Variants in PPP6C observed in about 807,000 individuals in gnomAD.
PPP6C encodes the protein serine/threonine-protein phosphatase 6 catalytic subunit.
A neutral mutation model predicts 39.8 loss-of-function variants in PPP6C; 11 were observed. The ratio of observed to expected loss-of-function variants is 0.28; its 90% CI spans 0.17 to 0.46. The LOEUF is 0.46. Ranked by LOEUF, PPP6C falls within the 20% of genes least tolerant of loss-of-function variation. The pLI is 1.00. For synonymous variants in PPP6C, 129 were observed against 130.3 expected, an observed-to-expected ratio of 0.99 and a Z score of 0.07; for missense variants, 211 against 373.9, an observed-to-expected ratio of 0.56 and a Z score of 3.59.
chr9:125,158,456 C>A, intron 3 of PPP6C, 74 bp from the exon 4 acceptor site: 1 of 1,403,012 alleles, frequency 7.1e-7, no homozygotes, highest in Non-Finnish European at 9.8e-7. Flanking sequence ...TCAAACTGTA[C>A]AAACATATAG....
chr9:125,161,095 A>C (rs188271636), intron 2 of PPP6C, among the ~76,000 whole-genome samples, 189 bp from the exon 3 acceptor site: 3 of 152,188 alleles, frequency 2.0e-5, no homozygotes, highest in Admixed American at 1.3e-4. Flanking sequence ...AATAAAGCTC[A>C]GTTACCATAA....
chr9:125,151,059 T>C, intron 6 of PPP6C: 1 of 1,348,608 alleles, frequency 7.4e-7, no homozygotes, highest in Non-Finnish European at 1.1e-6. Flanking sequence ...GCTTTTTTGA[T>C]AACCCAGTGG....
intron 3 of PPP6C, 80 bp from the exon 4 acceptor site, chr9:125,158,462 T>C: frequency 2.2e-6 from 3 of 1,366,242 alleles, no homozygotes; most frequent in Non-Finnish European, 3.0e-6. Context: ...TGTACAAACA[T>C]ATAGTTTATA....
intron 2 of PPP6C, among the ~76,000 whole-genome samples, chr9:125,167,379 C>CA (rs758123351): frequency 0.036 from 1,993 of 55,660 alleles, 107 homozygotes; most frequent in African/African-American, 0.094. Flanking sequence ...AGACCCTGTC[C>CA]AAAAAAAAAA....
At chr9:125,170,935 G>C (rs542094012) in intron 2 of PPP6C, 150 bp downstream of exon 2, 1 of 473,236 alleles carries the variant, frequency 2.1e-6, no homozygotes, top group South Asian at 6.2e-5. Flanking sequence ...TGTAAACCAG[G>C]AATCATTTGT....
intron 2 of PPP6C, among the ~76,000 whole-genome samples, chr9:125,163,675 C>T (rs573236664): frequency 1.4e-4 from 22 of 151,850 alleles, no homozygotes; most frequent in Non-Finnish European, 2.8e-4. Context: ...GTGATCCGCC[C>T]GCCTCGGCCT....
intron 1 of PPP6C, among the ~76,000 whole-genome samples, chr9:125,181,538 A>G (rs372596027): frequency 2.0e-5 from 3 of 151,660 alleles, no homozygotes; most frequent in African/African-American, 7.3e-5. Context: ...CCCTCTGCCC[A>G]TATGTTCTCA....
chr9:125,181,719 T>C (rs530341911), intron 1 of PPP6C, among the ~76,000 whole-genome samples: 4 of 152,342 alleles, frequency 2.6e-5, no homozygotes, highest in African/African-American at 7.2e-5. Context: ...GCATTTGAGC[T>C]AGTTCCAAGT....
chr9:125,152,659 C>T (rs1437946289), intron 6 of PPP6C, among the ~76,000 whole-genome samples: 2 of 151,738 alleles, frequency 1.3e-5, no homozygotes, highest in Non-Finnish European at 2.9e-5. Context: ...GGTGAAACCC[C>T]GTCTCTACTA....
intron 6 of PPP6C, among the ~76,000 whole-genome samples, chr9:125,150,394 G>A (rs1046392771): frequency 1.3e-5 from 2 of 151,388 alleles, no homozygotes; most frequent in African/African-American, 4.9e-5. Context: ...ACTTCATTAT[G>A]ATGCTGGAGC....
rs868607869 is a variant in PPP6C at position 125,148,882 on chromosome 9, T to A, written c.*791A>T. 4 of 152,198 alleles carry A rather than the reference T, an allele frequency of 2.6e-5. No homozygotes were observed. Among genetic ancestry groups the A allele is most frequent in the Non-Finnish European group, 4.4e-5 (3 of 68,032 alleles). 9.4% of individuals were successfully genotyped at this position (152,198 alleles called of 1,614,324 possible). A position where few individuals can be genotyped will look rare whatever the true frequency, so the allele number is the denominator to read the frequency against. On this transcript the variant is annotated 3_prime_UTR_variant, in exon 7 of 7. Coordinates refer to ENST00000373547, the MANE Select transcript of PPP6C (RefSeq NM_002721.5). ...AAAAATAAATACTATTGAATTTCAA[T>A]TGAAGTTTTAAACTCAATAACCAAA...
Position 125,183,485 on chromosome 9 carries a change from G to C in PPP6C, c.75+6159C>G, listed in dbSNP as rs1182492364. Among the ~76,000 whole-genome samples the C allele has an allele frequency of 2.0e-5, 3 of 152,050 alleles. No individual in the cohort carries two copies. In the East Asian group the frequency reaches 5.8e-4, roughly 29 times the overall value. On this transcript the variant is annotated intron_variant, in intron 1 of 6. Transcript: ENST00000373547. Reference sequence around the variant, plus strand: ...TTTTTAGTTAGCTACATTTTAAACAGTATCACGAATCACAGTATGATTTTT... The same window carrying C: ...TTTTTAGTTAGCTACATTTTAAACACTATCACGAATCACAGTATGATTTTT...
In PPP6C at chr9:125,155,719, C is replaced by T. The variant is rs988615851; in HGVS notation, c.380-1734G>A. Among the ~76,000 whole-genome samples the T allele has an allele frequency of 7.2e-5, 11 of 152,038 alleles. No homozygotes were observed. The South Asian group carries it at 1.0e-3, about 14-fold the overall frequency. On this transcript the variant is annotated intron_variant, in intron 4 of 6. Transcript: ENST00000373547. ...GAGATTGAGACCATCCTGGCTAACA[C>T]GGTGAAACCCTGTCTCTACTAAAAA...
rs1250145060 is a variant in PPP6C at position 125,148,065 on chromosome 9, T to TG, written c.*1607dup. The TG allele has an allele frequency of 5.4e-6, 1 of 186,206 alleles. No homozygotes were observed. The highest frequency in any genetic ancestry group is 2.4e-5 in the African/African-American group (1 of 41,574). 11.5% of individuals were successfully genotyped at this position (186,206 alleles called of 1,614,324 possible). The stretch of plus-strand genomic sequence containing the variant: ...ATTAAAAACTATGTAAGGAGCTGGG[T>TG]GGTTTGAGGGAAAAAAATTAAATCA... On this transcript the variant is annotated 3_prime_UTR_variant, in exon 7 of 7. Transcript: ENST00000373547.
chr9:125,157,791 A>T (rs1836116958), intron 4 of PPP6C, among the ~76,000 whole-genome samples: 1 of 151,676 alleles, frequency 6.6e-6, no homozygotes, highest in Non-Finnish European at 1.5e-5. Flanking sequence ...CCTTGGTTCA[A>T]GCAATTCTCC....
chr9:125,172,720 A>AACACACAC lies in PPP6C; in HGVS notation c.76-1548_76-1541dup, dbSNP rs72238242. Among the ~76,000 whole-genome samples the AACACACAC allele has an allele frequency of 3.5e-5, 5 of 144,788 alleles. No individual in the cohort carries two copies. In the East Asian group the frequency reaches 6.1e-4, roughly 18 times the overall value. 95.0% of individuals were successfully genotyped at this position (144,788 alleles called of 152,430 possible). A position where few individuals can be genotyped will look rare whatever the true frequency, so the allele number is the denominator to read the frequency against. ...AACTGCAAAGAACTGAATACACACA[A>AACACACAC]ACACACACACACACACACACACACA... On this transcript the variant is annotated intron_variant, in intron 1 of 6. Coordinates refer to ENST00000373547, the MANE Select transcript of PPP6C (RefSeq NM_002721.5).
chr9:125,173,587 AAAC>A (rs1214738736), intron 1 of PPP6C, among the ~76,000 whole-genome samples: 2 of 151,116 alleles, frequency 1.3e-5, no homozygotes, highest in African/African-American at 2.4e-5. Context: ...CAAAACAAAC[AAAC>A]AACAACAACA....
chr9:125,189,699 T>G lies in PPP6C; in HGVS notation c.20A>C (p.Asp7Ala), dbSNP rs1439919932. The change falls in exon 1 of 7, where the codon GAC becomes GCC. Residue 7 changes from aspartate to alanine, a missense_variant. Transcript: ENST00000373547. Reference protein sequence around the residue: MAPLDLDKYVEIARLCK... With the variant: MAPLDLAKYVEIARLCK... Reference sequence around the variant, plus strand: ...CAGCCGCGCTATTTCCACATACTTGTCCAGGTCTAGCGGCGCCATTTTAAG... The same window carrying G: ...CAGCCGCGCTATTTCCACATACTTGGCCAGGTCTAGCGGCGCCATTTTAAG... The G allele has an allele frequency of 1.9e-6, 3 of 1,608,932 alleles. No homozygotes were observed. Among genetic ancestry groups the G allele is most frequent in the Non-Finnish European group, 2.5e-6 (3 of 1,178,026 alleles).
Position 125,153,513 on chromosome 9 carries a change from T to C in PPP6C, c.669+20A>G, listed in dbSNP as rs981220142. ...CCATTAGCAATCCACAAATTACATT[T>C]CCAAAAATGTTGGCTTTACCTCATT... On this transcript the variant is annotated intron_variant, in intron 6 of 6. Coordinates refer to ENST00000373547, the MANE Select transcript of PPP6C (RefSeq NM_002721.5). 6.8e-6 allele frequency: 11 copies of C among 1,609,610 alleles called. No individual in the cohort carries two copies. Among genetic ancestry groups the C allele is most frequent in the African/African-American group, 2.7e-5 (2 of 74,786 alleles).
Sources: allele counts gnomAD v4.1 joint callset (sites outside exome capture counted in the v4.1 genomes callset), GRCh38; gene constraint gnomAD v4.1.1; transcripts MANE v1.5; gene names NCBI Gene and HGNC (gene_info 2026-07-23, HGNC 2026-07-21).